MAP7D1: variants seen among roughly 807,000 people sequenced by gnomAD.
MAP7D1 encodes MAP7 domain-containing protein 1.
Under a neutral mutation model 97.5 loss-of-function variants are expected in MAP7D1, and 30 were observed. The ratio of observed to expected loss-of-function variants is 0.31; its 90% CI spans 0.23 to 0.42. MAP7D1 has a LOEUF of 0.42. Among genes scored for constraint, MAP7D1 ranks in the 10% least tolerant of loss-of-function variants. The pLI, the probability that MAP7D1 is intolerant of heterozygous loss-of-function variation, is 1.00. For missense variants in MAP7D1, 1,184 were observed against 1,179.5 expected, an observed-to-expected ratio of 1.00 and a Z score of -0.06; for synonymous variants, 536 against 477.1, an observed-to-expected ratio of 1.12 and a Z score of -1.61.
Position 36,174,959 on chromosome 1 carries a change from C to T in MAP7D1, c.801C>T (p.Asn267=), listed in dbSNP as rs1557779493. 6.2e-7 allele frequency: 1 copy of T among 1,614,054 alleles called. No individual in the cohort carries two copies. The highest frequency in any genetic ancestry group is 2.2e-5 in the East Asian group (1 of 44,862). The change falls in exon 6 of 17, where the codon AAC becomes AAT. Residue 267 remains asparagine (N), a synonymous_variant. Transcript: ENST00000474796. Reference sequence around the variant, plus strand: ...CCAAACACGTGGACTCTATAATCAACAAGCGGCTCTCAAAGTCCTCTGCCA... The same window carrying T: ...CCAAACACGTGGACTCTATAATCAATAAGCGGCTCTCAAAGTCCTCTGCCA... ...NLPKHVDSII[N]KRLSKSSATL...
chr1:36,164,626 G>A (rs1337783537), intron 1 of MAP7D1, among the ~76,000 whole-genome samples: 1 of 152,132 alleles, frequency 6.6e-6, no homozygotes, highest in African/African-American at 2.4e-5. Flanking sequence ...CGGGGAGCAG[G>A]GTAGGAGAGG....
At position 36,176,991 on chromosome 1, in the gene MAP7D1, C is replaced by T. The variant is rs1644636677; in HGVS notation, c.1379+149C>T. ...TTTGAGACAGGATCTCCCTCTGTCA[C>T]CCAGGCTGGAGTGCAGTGGCACAAT... is the stretch of plus-strand genomic sequence containing the variant. On this transcript the variant is annotated intron_variant, in intron 8 of 16. Transcript: ENST00000474796. The surrounding 1 kb of genome is among the most constrained non-coding windows in gnomAD (Gnocchi z 6.1). 1 of 754,498 alleles carries T rather than the reference C, an allele frequency of 1.3e-6. No homozygotes were observed. Among genetic ancestry groups the T allele is most frequent in the Non-Finnish European group, 2.1e-6 (1 of 466,682 alleles). The allele number at this position is 754,498 out of a possible 1,614,324, so 46.7% of individuals were successfully genotyped here.
In MAP7D1 at chr1:36,180,567, G is replaced by T. The variant is rs928880241; in HGVS notation, c.*309G>T. ...CACCTGTAGTATTTGCCTTGATTTG[G>T]TGGGGTACAGTGGATGTGAATACTG... On this transcript the variant is annotated 3_prime_UTR_variant, in exon 17 of 17. Coordinates refer to ENST00000474796, the MANE Select transcript of MAP7D1 (RefSeq NM_001388490.1). The T allele has an allele frequency of 8.8e-6, 4 of 457,014 alleles. No homozygotes were observed. Among genetic ancestry groups the T allele is most frequent in the Non-Finnish European group, 1.6e-5 (4 of 248,472 alleles). The allele number at this position is 457,014 out of a possible 1,614,324, so 28.3% of individuals were successfully genotyped here. A position where few individuals can be genotyped will look rare whatever the true frequency, so the allele number is the denominator to read the frequency against.
intron 1 of MAP7D1, among the ~76,000 whole-genome samples, chr1:36,168,317 A>G (rs1644498457): frequency 6.6e-6 from 1 of 151,074 alleles, no homozygotes; most frequent in African/African-American, 2.4e-5. Context: ...AAAAAGCCCA[A>G]CTCTGCCACA....
chr1:36,165,120 A>T (rs955244000), intron 1 of MAP7D1, among the ~76,000 whole-genome samples: 1 of 152,140 alleles, frequency 6.6e-6, no homozygotes, highest in South Asian at 2.1e-4. Context: ...TTGTAGTTTT[A>T]TTTAATTTTT....
chr1:36,167,869 G>A (rs751935058), intron 1 of MAP7D1, among the ~76,000 whole-genome samples: 10 of 152,124 alleles, frequency 6.6e-5, no homozygotes, highest in Non-Finnish European at 1.2e-4. Flanking sequence ...ACAAACACCC[G>A]CCTACCAGTT....
chr1:36,180,463 C>A lies in MAP7D1; in HGVS notation c.*205C>A. ...CTGCCCCTCAGTGCATTCGTGTGCTCGCACGCGCAGACATCCCTTCTCCCC... is the reference window on the plus strand; with the variant it reads ...CTGCCCCTCAGTGCATTCGTGTGCTAGCACGCGCAGACATCCCTTCTCCCC... On this transcript the variant is annotated 3_prime_UTR_variant, in exon 17 of 17. Coordinates refer to ENST00000474796, the MANE Select transcript of MAP7D1 (RefSeq NM_001388490.1). 3 of 657,762 alleles carry A rather than the reference C, an allele frequency of 4.6e-6. No individual in the cohort carries two copies. Among genetic ancestry groups the A allele is most frequent in the South Asian group, 1.8e-5 (1 of 56,104 alleles). 40.7% of individuals were successfully genotyped at this position (657,762 alleles called of 1,614,324 possible).
At chr1:36,171,622 C>G (rs758244154) in intron 3 of MAP7D1, 41 bp downstream of exon 3, 10 of 1,602,860 alleles carry the variant, frequency 6.2e-6, no homozygotes, top group African/African-American at 2.7e-5. Context: ...TCATCGTCAT[C>G]ATCAGCATCC....
chr1:36,159,056 T>G lies in MAP7D1; in HGVS notation c.46+2593T>G, dbSNP rs1323162465. ...ATTTGTTATTTATTTATTTATTTATTTATTTATTTATTTATTTTGAGACAG... is the reference window on the plus strand; with the variant it reads ...ATTTGTTATTTATTTATTTATTTATGTATTTATTTATTTATTTTGAGACAG... On this transcript the variant is annotated intron_variant, in intron 1 of 16. Coordinates refer to ENST00000474796, the MANE Select transcript of MAP7D1 (RefSeq NM_001388490.1). The surrounding 1 kb of genome is among the most constrained non-coding windows in gnomAD (Gnocchi z 5.4). 1.3e-5 allele frequency among the ~76,000 whole-genome samples: 2 copies of G among 151,644 alleles called. No individual in the cohort carries two copies. The highest frequency in any genetic ancestry group is 2.9e-5 in the Non-Finnish European group (2 of 67,944).
Position 36,180,334 on chromosome 1 carries a change from A to G in MAP7D1, c.*76A>G. 6.2e-7 allele frequency: 1 copy of G among 1,604,894 alleles called. No individual in the cohort carries two copies. Among genetic ancestry groups the G allele is most frequent in the Admixed American group, 1.7e-5 (1 of 59,988 alleles). ...CTACCAGGATGTCTGGAGGAGAAAA[A>G]GACAGAACAAAGATGGAAGTGGCCT... On this transcript the variant is annotated 3_prime_UTR_variant, in exon 17 of 17. Transcript: ENST00000474796.
chr1:36,176,930 A>C lies in MAP7D1; in HGVS notation c.1379+88A>C. ...TATTTGTTGGGCAACCACCTCTAGA[A>C]TGCAACTTCCCTGAGGGCAGATTCT... On this transcript the variant is annotated intron_variant, in intron 8 of 16. Coordinates refer to ENST00000474796, the MANE Select transcript of MAP7D1 (RefSeq NM_001388490.1). This position sits in a 1 kb window ranked among gnomAD's most constrained non-coding sequence, Gnocchi z 6.1. The C allele has an allele frequency of 6.2e-6, 7 of 1,137,414 alleles. No individual in the cohort carries two copies. The highest frequency in any genetic ancestry group is 1.6e-5 in the African/African-American group (1 of 64,040). The allele number at this position is 1,137,414 out of a possible 1,614,324, so 70.5% of individuals were successfully genotyped here.
In MAP7D1 at chr1:36,173,387, A is replaced by G. The variant is rs937368940; in HGVS notation, c.648A>G (p.Gln216=). The G allele has an allele frequency of 3.1e-6, 5 of 1,613,922 alleles. No individual in the cohort carries two copies. Among genetic ancestry groups the G allele is most frequent in the South Asian group, 2.2e-5 (2 of 91,056 alleles). ...AGGAGCGCTATGAAGCAGCCATCCA[A>G]CGGTCAGTGAAGAAGACGTGGGCCG... ...KNKERYEAAI[Q]RSVKKTWAEI... The change falls in exon 5 of 17, where the codon CAA becomes CAG. Residue 216 remains glutamine (Q), a synonymous_variant. Transcript: ENST00000474796.
In MAP7D1 at chr1:36,159,074, T is replaced by TTTA. The variant is rs1644375571; in HGVS notation, c.46+2611_46+2612insTTA. Among the ~76,000 whole-genome samples, 4 of 101,056 alleles carry TTTA rather than the reference T, an allele frequency of 4.0e-5. No homozygotes were observed. The highest frequency in any genetic ancestry group is 9.4e-5 in the Non-Finnish European group (4 of 42,450). 66.3% of individuals were successfully genotyped at this position (101,056 alleles called of 152,430 possible). A position where few individuals can be genotyped will look rare whatever the true frequency, so the allele number is the denominator to read the frequency against. On this transcript the variant is annotated intron_variant, in intron 1 of 16. Transcript: ENST00000474796. The surrounding 1 kb of genome is among the most constrained non-coding windows in gnomAD (Gnocchi z 5.4). The stretch of plus-strand genomic sequence containing the variant: ...TATTTATTTATTTATTTATTTATTT[T>TTTA]GAGACAGAGTCTTGCTCTTGTCACC...
intron 1 of MAP7D1, among the ~76,000 whole-genome samples, chr1:36,170,602 TCTC>T (rs1446266880): frequency 1.3e-5 from 2 of 152,166 alleles, no homozygotes; most frequent in Non-Finnish European, 2.9e-5. Context: ...TGCCAACACC[TCTC>T]CTCCTTGCTT....
chr1:36,171,502 C>T lies in MAP7D1; in HGVS notation c.392-11C>T. The T allele has an allele frequency of 6.2e-7, 1 of 1,614,100 alleles. No homozygotes were observed. Among genetic ancestry groups the T allele is most frequent in the South Asian group, 1.1e-5 (1 of 91,060 alleles). On this transcript the variant is annotated splice_polypyrimidine_tract_variant and intron_variant, in intron 2 of 16. Coordinates refer to ENST00000474796, the MANE Select transcript of MAP7D1 (RefSeq NM_001388490.1). ...CCTTTTGACCTGTCTGTTCTTGTTCCCTCTGCTCAGAGGTGAAGAAGGCAG... is the reference window on the plus strand; with the variant it reads ...CCTTTTGACCTGTCTGTTCTTGTTCTCTCTGCTCAGAGGTGAAGAAGGCAG...
At chr1:36,166,427 T>C (rs571479498) in intron 1 of MAP7D1, among the ~76,000 whole-genome samples, 2 of 150,584 alleles carry the variant, frequency 1.3e-5, no homozygotes, top group Non-Finnish European at 3.0e-5. Context: ...TCTCCTTCTG[T>C]CACCCAGGCT....
At chr1:36,171,948 A>AAC (rs1644550724) in intron 3 of MAP7D1, 2 of 219,928 alleles carry the variant, frequency 9.1e-6, no homozygotes, top group African/African-American at 4.6e-5. Flanking sequence ...AAAAAAAAAA[A>AAC]AAAAAAAAAA....
Position 36,173,450 on chromosome 1 carries a change from G to A in MAP7D1, c.711G>A (p.Leu237=). The change falls in exon 5 of 17, where the codon CTG becomes CTA. Residue 237 remains leucine (L), a synonymous_variant. Coordinates refer to ENST00000474796, the MANE Select transcript of MAP7D1 (RefSeq NM_001388490.1). ...AGCGCTGGTCCTGGGCAGGGGCCCT[G>A]CACCACAGCTCTCCAGGACATAAGA... ...RQQRWSWAGA[L]HHSSPGHKTS... is the part of the protein sequence containing the mutation. 6.2e-7 allele frequency: 1 copy of A among 1,613,484 alleles called. No individual in the cohort carries two copies.
At chr1:36,172,186 C>T (rs1008650251) in intron 3 of MAP7D1, 4 of 288,482 alleles carry the variant, frequency 1.4e-5, no homozygotes, top group Middle Eastern at 2.0e-3. Context: ...GGTAGGCCCC[C>T]CAGGTCAGAT....
Sources: gnomAD v4.1 joint callset for allele counts (sites outside exome capture counted in the v4.1 genomes callset) on GRCh38, gnomAD v4.1.1 for gene constraint, Gnocchi (gnomAD v3.1) non-coding constraint, MANE v1.5 for transcripts, NCBI Gene and HGNC (gene_info 2026-07-23, HGNC 2026-07-21) for gene names.